RNF144A: variants seen among roughly 807,000 people sequenced by gnomAD.
The protein encoded by RNF144A is E3 ubiquitin-protein ligase RNF144A.
In RNF144A, 11 loss-of-function variants were observed where a neutral mutation model predicts 38.7. The ratio of observed to expected loss-of-function variants is 0.28; its 90% confidence interval spans 0.18 to 0.47. RNF144A has a LOEUF of 0.47. Ranked by LOEUF, RNF144A falls within the 20% of genes least tolerant of loss-of-function variation. The pLI, the probability that RNF144A is intolerant of heterozygous loss-of-function variation, is 0.99. For synonymous variants in RNF144A, 149 were observed against 143.9 expected, an observed-to-expected ratio of 1.04 and a Z score of -0.25; for missense variants, 316 against 377.2, an observed-to-expected ratio of 0.84 and a Z score of 1.34.
In RNF144A at chr2:6,941,456, G is replaced by A. The variant is rs960237360; in HGVS notation, c.-12+309G>A. 2.6e-5 allele frequency among the ~76,000 whole-genome samples: 4 copies of A among 152,220 alleles called. No homozygotes were observed. Among genetic ancestry groups the A allele is most frequent in the East Asian group, 3.8e-4 (2 of 5,202 alleles). ...ATCTCCCTGATTCACTAGAGAACACGTGGATTGAGCTCCTGCGTGTGCCAG... is the reference window on the plus strand; with the variant it reads ...ATCTCCCTGATTCACTAGAGAACACATGGATTGAGCTCCTGCGTGTGCCAG... On this transcript the variant is annotated intron_variant, in intron 2 of 8. Coordinates refer to ENST00000320892, the MANE Select transcript of RNF144A (RefSeq NM_014746.6). This position sits in a 1 kb window ranked among gnomAD's most constrained non-coding sequence, Gnocchi z 6.5.
At chr2:7,007,590 C>T (rs536071167) in intron 3 of RNF144A, among the ~76,000 whole-genome samples, 98 of 152,278 alleles carry the variant, frequency 6.4e-4, no homozygotes, top group Non-Finnish European at 1.0e-3. Flanking sequence ...ACTTGCCAAG[C>T]CACAATATGC....
intron 6 of RNF144A, among the ~76,000 whole-genome samples, chr2:7,063,691 C>A (rs1674067792): frequency 6.6e-6 from 1 of 151,926 alleles, no homozygotes; most frequent in Non-Finnish European, 1.5e-5. Flanking sequence ...GTGGCCCAAG[C>A]AGTGGAGGGA....
chr2:7,076,324 T>G, the RNF144A span, among the ~76,000 whole-genome samples: 1 of 152,258 alleles, frequency 6.6e-6, no homozygotes, highest in African/African-American at 2.4e-5. Flanking sequence ...ATAGCTTGGT[T>G]GTTTTCCCAT....
intron 8 of RNF144A, among the ~76,000 whole-genome samples, chr2:7,030,551 C>A (rs1203927509): frequency 6.6e-6 from 1 of 151,934 alleles, no homozygotes; most frequent in Non-Finnish European, 1.5e-5. Context: ...TTAGGTAATC[C>A]TTGCCTAGCC....
chr2:7,067,560 C>G (rs1355070629), intron 6 of RNF144A, among the ~76,000 whole-genome samples: 1 of 152,122 alleles, frequency 6.6e-6, no homozygotes, highest in Non-Finnish European at 1.5e-5. Context: ...CATTAAATGC[C>G]TGACTGCTTG....
intron 2 of RNF144A, among the ~76,000 whole-genome samples, chr2:6,980,870 A>G (rs944610643): frequency 3.3e-5 from 5 of 152,190 alleles, no homozygotes; most frequent in Admixed American, 3.3e-4. Context: ...CATTCAAGCA[A>G]TTCCATACAT....
rs533490853 is a variant in RNF144A at position 7,031,083 on chromosome 2, G to C, written c.747+868G>C. Among the ~76,000 whole-genome samples the C allele has an allele frequency of 2.0e-5, 3 of 152,216 alleles. No homozygotes were observed. In the South Asian group the frequency reaches 6.2e-4, roughly 32 times the overall value. The stretch of plus-strand genomic sequence containing the variant: ...TGTAAATACAGATGAAGGTTTGCTC[G>C]TTTGCTTCCCCCACCCCCACCACTC... On this transcript the variant is annotated intron_variant, in intron 8 of 8. Coordinates refer to ENST00000320892, the MANE Select transcript of RNF144A (RefSeq NM_014746.6).
chr2:7,037,234 CAAT>C (rs1436057454), intron 8 of RNF144A, among the ~76,000 whole-genome samples: 4 of 152,200 alleles, frequency 2.6e-5, no homozygotes, highest in Non-Finnish European at 5.9e-5. Context: ...CACCAATTGG[CAAT>C]ACGTTGGGTA....
At chr2:7,049,782 C>T (rs1572480925) in intron 6 of RNF144A, among the ~76,000 whole-genome samples, 3 of 152,046 alleles carry the variant, frequency 2.0e-5, no homozygotes, top group South Asian at 4.1e-4. Context: ...GAAGAGGGAC[C>T]GAGGAAAGAA....
chr2:7,017,592 C>T (rs993464849), intron 5 of RNF144A, among the ~76,000 whole-genome samples: 3 of 152,290 alleles, frequency 2.0e-5, no homozygotes, highest in African/African-American at 7.2e-5. Context: ...AAGTTTTATG[C>T]ATTTTTAAGC....
chr2:7,032,627 C>T (rs1422458383), intron 8 of RNF144A, among the ~76,000 whole-genome samples: 2 of 152,262 alleles, frequency 1.3e-5, no homozygotes, highest in East Asian at 3.9e-4. Context: ...CTTCCTCCGG[C>T]TGCCTCTTCC....
chr2:7,012,879 G>T (rs1670908519), intron 3 of RNF144A, among the ~76,000 whole-genome samples: 1 of 152,202 alleles, frequency 6.6e-6, no homozygotes, highest in Admixed American at 6.5e-5. Context: ...TAGATGATCT[G>T]TGAAAACCTA....
At chr2:7,057,180 C>G (rs192278872) in intron 6 of RNF144A, among the ~76,000 whole-genome samples, 3 of 152,214 alleles carry the variant, frequency 2.0e-5, no homozygotes, top group Admixed American at 6.5e-5. Context: ...TTCTATATAC[C>G]CTATACAACA....
intron 6 of RNF144A, among the ~76,000 whole-genome samples, chr2:7,050,387 C>CT (rs1420623584): frequency 5.9e-5 from 9 of 152,210 alleles, no homozygotes; most frequent in Non-Finnish European, 1.3e-4. Flanking sequence ...ATTGTGGGTC[C>CT]TCCCCAGCCA....
intron 1 of RNF144A, among the ~76,000 whole-genome samples, chr2:6,938,973 A>G (rs775321820): frequency 1.9e-4 from 29 of 152,102 alleles, no homozygotes; most frequent in Admixed American, 1.6e-3. Flanking sequence ...TTTTTTTTAG[A>G]CATTCACTAG....
intron 2 of RNF144A, among the ~76,000 whole-genome samples, chr2:6,950,058 T>G (rs1281776851): frequency 2.6e-5 from 4 of 152,318 alleles, no homozygotes; most frequent in Non-Finnish European, 5.9e-5. Context: ...AGCAGTGCGT[T>G]TAAAGAGCTG....
At chr2:6,923,797 T>TA (rs1005848368) in intron 1 of RNF144A, among the ~76,000 whole-genome samples, 4 of 103,354 alleles carry the variant, frequency 3.9e-5, no homozygotes, top group African/African-American at 2.2e-4. Context: ...CATAGCAACT[T>TA]TATTTTTTTT....
At chr2:6,955,239 C>A (rs1666927677) in intron 2 of RNF144A, among the ~76,000 whole-genome samples, 1 of 152,126 alleles carries the variant, frequency 6.6e-6, no homozygotes, top group Non-Finnish European at 1.5e-5. Flanking sequence ...TTGTGGTAAT[C>A]CATTTTCCAG....
chr2:6,987,263 G>A (rs775116913), intron 2 of RNF144A, among the ~76,000 whole-genome samples: 12 of 152,230 alleles, frequency 7.9e-5, no homozygotes, highest in Non-Finnish European at 1.3e-4. Flanking sequence ...GCCTCCAGAA[G>A]CTGGTCTGCA....
Sources: allele counts gnomAD v4.1 joint callset (sites outside exome capture counted in the v4.1 genomes callset), GRCh38; gene constraint gnomAD v4.1.1; non-coding constraint Gnocchi (gnomAD v3.1); transcripts MANE v1.5; gene names NCBI Gene and HGNC (gene_info 2026-07-23, HGNC 2026-07-21).